NFATC1: variants seen among roughly 807,000 people sequenced by gnomAD.
The protein encoded by NFATC1 is nuclear factor of activated T cells 1, also known as nuclear factor of activated T-cells, cytoplasmic 1.
In NFATC1, 22 loss-of-function variants were observed where a neutral mutation model predicts 76.0. The ratio of observed to expected loss-of-function variants is 0.29; its 90% CI spans 0.21 to 0.41. The LOEUF (loss-of-function observed/expected upper bound fraction) is 0.41, where lower values mean the gene tolerates loss of function less well. Among genes scored for constraint, NFATC1 ranks in the 10% least tolerant of loss-of-function variants. NFATC1 has a pLI of 1.00. For synonymous variants in NFATC1, 704 were observed against 613.1 expected, an observed-to-expected ratio of 1.15 and a Z score of -2.19; for missense variants, 1,357 against 1,337.7, an observed-to-expected ratio of 1.01 and a Z score of -0.23.
intron 6 of NFATC1, among the ~76,000 whole-genome samples, chr18:79,455,864 C>T (rs1256947367): frequency 6.6e-6 from 1 of 152,078 alleles, no homozygotes; most frequent in Non-Finnish European, 1.5e-5. Context: ...CAGGCACTAG[C>T]CACACTGCAG....
In NFATC1 at chr18:79,461,332, T is replaced by A. The variant is rs770410451; in HGVS notation, c.1925T>A (p.Met642Lys). ...CCAGATGGCCACCATGTCTGGGAGATGGAAGCGAAAACTGACCGGGACCTG... is the reference window on the plus strand; with the variant it reads ...CCAGATGGCCACCATGTCTGGGAGAAGGAAGCGAAAACTGACCGGGACCTG... ...KAPDGHHVWE[M>K]EAKTDRDLCK... is the part of the protein sequence containing the mutation. Residue 642 changes from methionine to lysine, a missense_variant, in exon 7 of 10, where the codon ATG becomes AAG. Physicochemically the swap from Met to Lys is moderately conservative, Grantham distance 95 (BLOSUM62 -1). Coordinates refer to ENST00000427363, the MANE Select transcript of NFATC1 (RefSeq NM_001278669.2). 1 of 1,614,034 alleles carries A rather than the reference T, an allele frequency of 6.2e-7. No homozygotes were observed. Among genetic ancestry groups the A allele is most frequent in the Non-Finnish European group, 8.5e-7 (1 of 1,179,954 alleles).
At chr18:79,468,998 G>A (rs1473529479) in intron 8 of NFATC1, 6 of 148,100 alleles carry the variant, frequency 4.1e-5, no homozygotes, top group South Asian at 2.1e-4. Context: ...AGAGCCTCAC[G>A]CTCTGGGACC....
In NFATC1 at chr18:79,411,102, C is replaced by G. The variant is rs754282214; in HGVS notation, c.827C>G (p.Pro276Arg). Residue 276 changes from proline to arginine, a missense_variant, in exon 2 of 10, where the codon CCC becomes CGC. Coordinates refer to ENST00000427363, the MANE Select transcript of NFATC1 (RefSeq NM_001278669.2). The part of the protein sequence containing the change: ...RKYSLNGRQP[P>R]YSPHHSPTPS... Reference sequence around the variant, plus strand: ...TACAGCCTCAACGGCCGGCAGCCGCCCTACTCACCCCACCACTCGCCCACG... The same window carrying G: ...TACAGCCTCAACGGCCGGCAGCCGCGCTACTCACCCCACCACTCGCCCACG... 3.1e-6 allele frequency: 5 copies of G among 1,612,214 alleles called. No homozygotes were observed. The highest frequency in any genetic ancestry group is 2.7e-5 in the African/African-American group (2 of 74,916).
chr18:79,397,827 T>C (rs969614032), intron 1 of NFATC1, among the ~76,000 whole-genome samples: 37 of 152,144 alleles, frequency 2.4e-4, no homozygotes, highest in Non-Finnish European at 4.7e-4. Flanking sequence ...GGGCAGTGGC[T>C]AGTTTTCGTG....
chr18:79,492,973 A>G (rs1428190807), intron 9 of NFATC1, among the ~76,000 whole-genome samples: 1 of 132,042 alleles, frequency 7.6e-6, no homozygotes, highest in Admixed American at 8.8e-5. Context: ...GTTTTGTTTC[A>G]GAAGTGCTTG....
intron 8 of NFATC1, among the ~76,000 whole-genome samples, chr18:79,478,463 C>T (rs1260617805): frequency 6.6e-6 from 1 of 152,186 alleles, no homozygotes; most frequent in African/African-American, 2.4e-5. Flanking sequence ...TGCCCTGGGG[C>T]TGCATAGACC....
intron 9 of NFATC1, 79 bp from the exon 10 acceptor site, chr18:79,527,449 T>A: frequency 1.7e-6 from 2 of 1,184,790 alleles, no homozygotes; most frequent in Non-Finnish European, 2.5e-6. Context: ...GCGTCACTGA[T>A]GGAGAAGCAG....
chr18:79,469,813 G>T, intron 8 of NFATC1: 1 of 985,376 alleles, frequency 1.0e-6, no homozygotes, highest in Non-Finnish European at 1.2e-6. Context: ...ACACTGACCA[G>T]CCCCACCAGC....
At position 79,486,584 on chromosome 18, in the gene NFATC1, A is replaced by G; in HGVS notation, c.2429A>G (p.His810Arg). ...GACGTGCCCAGGCCAGTGGCCACGCACCCCGGCTCGCCCGGGCAGCCACCC... is the reference window on the plus strand; with the variant it reads ...GACGTGCCCAGGCCAGTGGCCACGCGCCCCGGCTCGCCCGGGCAGCCACCC... ...VQDVPRPVAT[H>R]PGSPGQPPPA... The change falls in exon 9 of 10, where the codon CAC becomes CGC. Residue 810 changes from histidine to arginine, a missense_variant. By Grantham distance (29) the His-to-Arg change is conservative. Coordinates refer to ENST00000427363, the MANE Select transcript of NFATC1 (RefSeq NM_001278669.2). The G allele has an allele frequency of 2.5e-6, 4 of 1,589,594 alleles. No individual in the cohort carries two copies. The highest frequency in any genetic ancestry group is 3.4e-6 in the Non-Finnish European group (4 of 1,172,682).
intron 8 of NFATC1, among the ~76,000 whole-genome samples, chr18:79,473,769 C>T (rs904693609): frequency 1.9e-4 from 28 of 147,980 alleles, no homozygotes; most frequent in South Asian, 2.1e-4. Context: ...TGTATTCTCA[C>T]GCTGTCGACA....
At chr18:79,476,543 T>G (rs940568151) in intron 8 of NFATC1, among the ~76,000 whole-genome samples, 5 of 152,226 alleles carry the variant, frequency 3.3e-5, no homozygotes, top group Non-Finnish European at 7.3e-5. Flanking sequence ...GCTGCCGTGC[T>G]GTCCTGGCCC....
At chr18:79,484,741 G>T (rs1323341205) in intron 8 of NFATC1, among the ~76,000 whole-genome samples, 1 of 152,250 alleles carries the variant, frequency 6.6e-6, no homozygotes, top group African/African-American at 2.4e-5. Flanking sequence ...CTACAGCTGG[G>T]AACGGCCCAT....
intron 2 of NFATC1, among the ~76,000 whole-genome samples, chr18:79,416,386 C>T (rs1454839406): frequency 3.9e-5 from 6 of 152,150 alleles, no homozygotes; most frequent in Non-Finnish European, 8.8e-5. Context: ...CTGAGGGGTT[C>T]GGGCCCCGGC....
chr18:79,511,851 G>C (rs1416170756), intron 9 of NFATC1, among the ~76,000 whole-genome samples: 1 of 152,094 alleles, frequency 6.6e-6, no homozygotes. Flanking sequence ...CTGCGGGTCC[G>C]GGACCTGCCT....
chr18:79,498,064 G>A (rs1225898060), intron 9 of NFATC1: 2 of 79,898 alleles, frequency 2.5e-5, no homozygotes, highest in African/African-American at 7.0e-5. Context: ...TTTGGAGGGG[G>A]ATGGGGGGGG....
chr18:79,404,205 G>A, intron 1 of NFATC1, among the ~76,000 whole-genome samples: 1 of 152,212 alleles, frequency 6.6e-6, no homozygotes, highest in South Asian at 2.1e-4. Flanking sequence ...GATGTCCCAG[G>A]TTGGGCCCCG....
Position 79,527,205 on chromosome 18 carries a change from G to T in NFATC1, c.2783-323G>T, listed in dbSNP as rs573124618. 4.5e-5 allele frequency: 12 copies of T among 267,106 alleles called. No individual in the cohort carries two copies. The East Asian group carries it at 7.1e-4, about 16-fold the overall frequency. The allele number at this position is 267,106 out of a possible 1,614,324, so 16.5% of individuals were successfully genotyped here. Reference sequence around the variant, plus strand: ...AAGTGCTGGTGTGGACCTGTGGGTCGCTTGGTTCGTGGAGAGACAGCCACA... The same window carrying T: ...AAGTGCTGGTGTGGACCTGTGGGTCTCTTGGTTCGTGGAGAGACAGCCACA... On this transcript the variant is annotated intron_variant, in intron 9 of 9. Transcript: ENST00000427363.
intron 9 of NFATC1, chr18:79,527,174 C>A (rs2090789204): frequency 4.8e-6 from 1 of 208,032 alleles, no homozygotes; most frequent in African/African-American, 2.3e-5. Context: ...GGTGCTGACA[C>A]CACAGAAGTG....
chr18:79,486,698 C>T lies in NFATC1; in HGVS notation c.2543C>T (p.Ser848Phe). The T allele has an allele frequency of 1.3e-6, 2 of 1,598,948 alleles. No homozygotes were observed. Among genetic ancestry groups the T allele is most frequent in the East Asian group, 2.2e-5 (1 of 44,658 alleles). The change falls in exon 9 of 10, where the codon TCT becomes TTT. Residue 848 changes from serine (S) to phenylalanine (F), a missense_variant. Transcript: ENST00000427363. ...LEHSLCPSSPSPPLPPATQEP... is the reference protein window; with the variant it reads ...LEHSLCPSSPFPPLPPATQEP... Reference sequence around the variant, plus strand: ...CACTCGCTCTGCCCCAGCAGCCCCTCTCCTCCACTCCCGCCTGCCACCCAA... The same window carrying T: ...CACTCGCTCTGCCCCAGCAGCCCCTTTCCTCCACTCCCGCCTGCCACCCAA...
Sources: gnomAD v4.1 joint callset for allele counts (sites outside exome capture counted in the v4.1 genomes callset) on GRCh38, gnomAD v4.1.1 for gene constraint, MANE v1.5 for transcripts, NCBI Gene and HGNC (gene_info 2026-07-23, HGNC 2026-07-21) for gene names.